ADCY5: variants seen among roughly 807,000 people sequenced by gnomAD.
The protein encoded by ADCY5 is adenylate cyclase type 5.
ADCY5 carries 30 observed loss-of-function variants against 119.7 expected under a neutral mutation model. The observed-to-expected ratio is 0.25, with a 90% CI of 0.19 to 0.34. The LOEUF (loss-of-function observed/expected upper bound fraction) is 0.34. Among genes scored for constraint, ADCY5 ranks in the 10% least tolerant of loss-of-function variants. The pLI, the probability that ADCY5 is intolerant of heterozygous loss-of-function variation, is 1.00. For synonymous variants in ADCY5, 753 were observed against 762.2 expected (o/e 0.99, Z 0.20); for missense variants, 1,324 against 1,775.2 (o/e 0.75, Z 4.57).
intron 2 of ADCY5, among the ~76,000 whole-genome samples, chr3:123,350,363 G>T (rs188918370): frequency 7.0e-4 from 106 of 152,292 alleles, no homozygotes; most frequent in African/African-American, 2.4e-3. Context: ...TCTGTGGGTC[G>T]GTCTGGTCTC....
chr3:123,447,635 G>T lies in ADCY5; in HGVS notation c.911C>A (p.Ala304Glu). The T allele has an allele frequency of 1.9e-6, 3 of 1,607,926 alleles. No homozygotes were observed. The highest frequency in any genetic ancestry group is 1.7e-6 in the Non-Finnish European group (2 of 1,178,092). The change falls in exon 1 of 21, where the codon GCG (alanine) becomes GAG (glutamate). Residue 304 changes from alanine (A) to glutamate (E), a missense_variant. Around this residue, in one of 6 missense-constraint regions of ADCY5, gnomAD observed 585 missense variants for 569.9 expected, o/e 1.03. Transcript: ENST00000462833. ...HQDHMGLACY[A>E]LIAVVLAVQV... ...GACGGCCAGCACCACGGCGATGAGC[G>T]CATAGCAGGCCAGGCCCATGTGGTC... is the stretch of plus-strand genomic sequence containing the variant.
At chr3:123,396,846 G>T (rs913596223) in intron 1 of ADCY5, among the ~76,000 whole-genome samples, 1 of 151,382 alleles carries the variant, frequency 6.6e-6, no homozygotes, top group African/African-American at 2.4e-5. Flanking sequence ...GAGAGAGACA[G>T]AGAACCCATA....
At chr3:123,338,570 A>G (rs1942131948) in intron 3 of ADCY5, among the ~76,000 whole-genome samples, 1 of 152,192 alleles carries the variant, frequency 6.6e-6, no homozygotes, top group Admixed American at 6.5e-5. Flanking sequence ...GTGCTAATTC[A>G]TCTATTAGCT....
chr3:123,412,562 T>G (rs1315518727), intron 1 of ADCY5, among the ~76,000 whole-genome samples: 1 of 151,922 alleles, frequency 6.6e-6, no homozygotes, highest in Non-Finnish European at 1.5e-5. Context: ...CAGATAGAGC[T>G]CGGAAAGGCT....
Position 123,425,919 on chromosome 3 carries a change from C to T in ADCY5, c.1134+21493G>A, listed in dbSNP as rs113294597. On this transcript the variant is annotated intron_variant, in intron 1 of 20. Coordinates refer to ENST00000462833, the MANE Select transcript of ADCY5 (RefSeq NM_183357.3). The stretch of plus-strand genomic sequence containing the variant: ...TTCTTTTTGGAGGTAGTGCAGTTTT[C>T]TTCTTGCCTGTTTACTGCCATCCAA... 9.9e-3 allele frequency among the ~76,000 whole-genome samples: 1,504 copies of T among 152,338 alleles called. 30 individuals are homozygous for T. Among genetic ancestry groups the T allele is most frequent in the African/African-American group, 0.035 (1,436 of 41,568 alleles).
At chr3:123,390,322 G>A (rs61464976) in intron 1 of ADCY5, among the ~76,000 whole-genome samples, 16,400 of 152,158 alleles carry the variant, frequency 0.11, 2,161 homozygotes, top group African/African-American at 0.3. Context: ...GCCCAGTTTG[G>A]TGTCCATCTT....
chr3:123,331,476 A>T (rs902999834), intron 4 of ADCY5, among the ~76,000 whole-genome samples: 2 of 152,232 alleles, frequency 1.3e-5, no homozygotes, highest in African/African-American at 4.8e-5. Context: ...TTACAAAAAG[A>T]CTGAAGCAGG....
intron 11 of ADCY5, 91 bp downstream of exon 11, chr3:123,317,929 C>T: frequency 1.7e-6 from 2 of 1,209,140 alleles, no homozygotes; most frequent in Non-Finnish European, 2.4e-6. Flanking sequence ...GGCCAGACTC[C>T]CTGCTCTGTT....
At chr3:123,300,057 G>A in intron 15 of ADCY5, 63 bp downstream of exon 15, 1 of 1,563,800 alleles carries the variant, frequency 6.4e-7, no homozygotes, top group Non-Finnish European at 8.8e-7. Flanking sequence ...TAAACCTCCT[G>A]CTCTTGCCAC....
At chr3:123,287,650 C>T (rs1938871118) in intron 19 of ADCY5, among the ~76,000 whole-genome samples, 1 of 152,210 alleles carries the variant, frequency 6.6e-6, no homozygotes, top group African/African-American at 2.4e-5. Flanking sequence ...CATCAGTCCT[C>T]AGAACTTCCT....
chr3:123,400,928 C>CA (rs1944731691), intron 1 of ADCY5, among the ~76,000 whole-genome samples: 1 of 150,328 alleles, frequency 6.7e-6, no homozygotes, highest in Non-Finnish European at 1.5e-5. Context: ...TGGACAAGAA[C>CA]AAAACTCCGT....
chr3:123,325,551 A>C, intron 7 of ADCY5, 89 bp from the exon 8 acceptor site: 1 of 1,537,572 alleles, frequency 6.5e-7, no homozygotes, highest in South Asian at 1.2e-5. Context: ...TGGCCAGGTA[A>C]GGGGCTAAGG....
At position 123,290,036 on chromosome 3, in the gene ADCY5, A is replaced by G. The variant is rs368312073; in HGVS notation, c.3328-82T>C. ...GGGAGGGACAGAGGATGTCCAGGGA[A>G]GTGCAGCAGCATGGCCCTTCATGTG... On this transcript the variant is annotated intron_variant, in intron 18 of 20. Transcript: ENST00000462833. The G allele has an allele frequency of 7.8e-6, 11 of 1,414,442 alleles. No individual in the cohort carries two copies. In the African/African-American group the frequency reaches 1.6e-4, roughly 20 times the overall value. 87.6% of individuals were successfully genotyped at this position (1,414,442 alleles called of 1,614,324 possible).
intron 1 of ADCY5, among the ~76,000 whole-genome samples, chr3:123,388,550 G>C (rs1944303989): frequency 1.4e-5 from 2 of 147,974 alleles, no homozygotes; most frequent in African/African-American, 2.4e-5. Context: ...GAGAGGCTGG[G>C]CCAGAGGGAC....
intron 1 of ADCY5, among the ~76,000 whole-genome samples, chr3:123,376,722 C>T (rs1342190630): frequency 6.6e-6 from 1 of 152,030 alleles, no homozygotes; most frequent in Admixed American, 6.5e-5. Flanking sequence ...GATGAACTGG[C>T]CAGAAGGAGG....
intron 1 of ADCY5, among the ~76,000 whole-genome samples, chr3:123,396,051 AGGGAGGGAGGGTGGGAGG>A (rs1944546727): frequency 2.6e-5 from 1 of 39,202 alleles, no homozygotes; most frequent in African/African-American, 1.1e-4. Context: ...GGAGGGAGAG[AGGGAGGGAGGGTGGGAGG>A]GAGAGGGAGG....
chr3:123,282,439 C>T lies in ADCY5; in HGVS notation c.*2169G>A, dbSNP rs1362950919. On this transcript the variant is annotated 3_prime_UTR_variant, in exon 21 of 21. Transcript: ENST00000462833. ...AGGGAACGAAGAGCTAGCACTGCAC[C>T]TGCACACTGTCACCAGTCACTGCTG... 6.6e-6 allele frequency: 1 copy of T among 152,298 alleles called. No homozygotes were observed. Among genetic ancestry groups the T allele is most frequent in the Non-Finnish European group, 1.5e-5 (1 of 68,102 alleles). 9.4% of individuals were successfully genotyped at this position (152,298 alleles called of 1,614,324 possible). A position where few individuals can be genotyped will look rare whatever the true frequency, so the allele number is the denominator to read the frequency against.
intron 1 of ADCY5, among the ~76,000 whole-genome samples, chr3:123,387,526 C>A (rs1576652950): frequency 6.6e-6 from 1 of 152,066 alleles, no homozygotes; most frequent in African/African-American, 2.4e-5. Context: ...GTGACAGTAA[C>A]AACAACAACA....
chr3:123,423,321 G>C (rs1009298024), intron 1 of ADCY5, among the ~76,000 whole-genome samples: 1 of 152,232 alleles, frequency 6.6e-6, no homozygotes, highest in Admixed American at 6.5e-5. Context: ...CACCCCTGCG[G>C]AGAAGGGGAA....
Sources: allele counts gnomAD v4.1 joint callset (sites outside exome capture counted in the v4.1 genomes callset), GRCh38; gene constraint gnomAD v4.1.1; regional missense constraint gnomAD v4.1.1; transcripts MANE v1.5; gene names NCBI Gene and HGNC (gene_info 2026-07-23, HGNC 2026-07-21).